The following DLC1 variants were observed in gnomAD, a reference collection of about 807,000 sequenced individuals.
DLC1 encodes DLC1 Rho GTPase activating protein.
DLC1 carries 54 observed loss-of-function variants against 140.3 expected under a neutral mutation model. That is an observed-to-expected ratio of 0.38 (90% CI 0.31 to 0.48). The LOEUF is 0.48. DLC1 is among the 20% of genes least tolerant of loss of function. The probability of loss-of-function intolerance (pLI) is 0.96; values close to 1 mark genes in which losing one functional copy is unlikely to be tolerated. For missense variants in DLC1, 2,536 were observed against 1,907.0 expected (o/e 1.33, Z -6.14); for synonymous variants, 986 against 728.1 (o/e 1.35, Z -5.70).
intron 5 of DLC1, among the ~76,000 whole-genome samples, chr8:13,138,732 A>G (rs959312762): frequency 3.3e-5 from 5 of 152,180 alleles, no homozygotes; most frequent in Non-Finnish European, 7.4e-5. Context: ...CGTGACCCCA[A>G]TCTGGGTTCT....
intron 4 of DLC1, among the ~76,000 whole-genome samples, chr8:13,392,740 A>G (rs966916590): frequency 6.6e-6 from 1 of 151,746 alleles, no homozygotes; most frequent in East Asian, 1.9e-4. Flanking sequence ...CTCTTTCCTT[A>G]AAGGAAAATG....
chr8:13,209,395 C>T (rs1331277432), intron 5 of DLC1, among the ~76,000 whole-genome samples: 2 of 152,062 alleles, frequency 1.3e-5, no homozygotes, highest in Admixed American at 6.6e-5. Flanking sequence ...TGATGAGATA[C>T]GGACATAGGA....
intron 5 of DLC1, among the ~76,000 whole-genome samples, chr8:13,285,245 T>C (rs911408104): frequency 3.9e-5 from 6 of 152,020 alleles, no homozygotes; most frequent in Non-Finnish European, 5.9e-5. Context: ...GGTCAGTTGA[T>C]TTTTTTTATA....
rs184674878 is a variant in DLC1 at position 13,349,726 on chromosome 8, G to A, written c.1314+43827C>T. 2.9e-4 allele frequency among the ~76,000 whole-genome samples: 44 copies of A among 152,330 alleles called. No homozygotes were observed. The East Asian group carries it at 6.0e-3, about 21-fold the overall frequency. ...GTTGGGTGAGGTAAGGAGGGTAAACGAAAGCTGAACAAATTCTAGTATAAG... is the reference window on the plus strand; with the variant it reads ...GTTGGGTGAGGTAAGGAGGGTAAACAAAAGCTGAACAAATTCTAGTATAAG... On this transcript the variant is annotated intron_variant, in intron 4 of 17. Transcript: ENST00000276297.
intron 4 of DLC1, among the ~76,000 whole-genome samples, chr8:13,365,426 A>G (rs1357624213): frequency 6.6e-6 from 1 of 152,086 alleles, no homozygotes; most frequent in Non-Finnish European, 1.5e-5. Context: ...AGATACTATG[A>G]TAGTTCCAGG....
rs116036283 is a variant in DLC1, at chr8:13,482,029, A to G, written c.1023+17020T>C. Among the ~76,000 whole-genome samples the G allele has an allele frequency of 6.9e-3, 1,044 of 152,308 alleles. 12 individuals are homozygous for G. The highest frequency in any genetic ancestry group is 0.024 in the African/African-American group (1,006 of 41,562). ...AGGAACCAATTCTCCTTCAGAGCCA[A>G]TTGAAGGAGCTAACCCTGCCCACAC... is the stretch of plus-strand genomic sequence containing the variant. On this transcript the variant is annotated intron_variant, in intron 2 of 17. Coordinates refer to ENST00000276297, the MANE Select transcript of DLC1 (RefSeq NM_182643.3).
chr8:13,444,898 A>C (rs958903986), intron 2 of DLC1, among the ~76,000 whole-genome samples: 2 of 152,250 alleles, frequency 1.3e-5, no homozygotes. Flanking sequence ...TAAAACGTTC[A>C]TGTATGAAGA....
At chr8:13,405,747 A>T (rs1192789609) in intron 2 of DLC1, among the ~76,000 whole-genome samples, 2 of 151,826 alleles carry the variant, frequency 1.3e-5, no homozygotes, top group Non-Finnish European at 2.9e-5. Flanking sequence ...AATTACTACA[A>T]CATTAATTGC....
intron 5 of DLC1, among the ~76,000 whole-genome samples, chr8:13,145,580 CTACAGCAGCATTATA>C (rs1365078464): frequency 1.3e-5 from 2 of 152,150 alleles, no homozygotes; most frequent in Non-Finnish European, 2.9e-5. Context: ...CTAAAAATAT[CTACAGCAGCATTATA>C]TTAGGAAAAA....
In DLC1 at chr8:13,229,132, C is replaced by T. The variant is rs149294831; in HGVS notation, c.1348+76137G>A. Among the ~76,000 whole-genome samples the T allele has an allele frequency of 4.4e-3, 665 of 152,268 alleles. 6 individuals carry two copies. Among genetic ancestry groups the T allele is most frequent in the African/African-American group, 0.014 (584 of 41,554 alleles). On this transcript the variant is annotated intron_variant, in intron 5 of 17. Coordinates refer to ENST00000276297, the MANE Select transcript of DLC1 (RefSeq NM_182643.3). ...GCTCACACAACAGTCCATACCCAAA[C>T]GTTCATAGCAGCTTTCTTCATAATA...
At chr8:13,360,554 G>T (rs929548373) in intron 4 of DLC1, among the ~76,000 whole-genome samples, 1 of 152,078 alleles carries the variant, frequency 6.6e-6, no homozygotes, top group Admixed American at 6.6e-5. Context: ...ACAGCGCTGG[G>T]CTTGGGCATT....
chr8:13,501,853 C>T (rs1003117469), intron 1 of DLC1, among the ~76,000 whole-genome samples: 4 of 152,070 alleles, frequency 2.6e-5, no homozygotes, highest in Admixed American at 6.6e-5. Flanking sequence ...TGGGAGGCTA[C>T]GGAAAGTGGA....
At chr8:13,167,376 C>T (rs1011598860) in intron 5 of DLC1, among the ~76,000 whole-genome samples, 1 of 152,154 alleles carries the variant, frequency 6.6e-6, no homozygotes, top group African/African-American at 2.4e-5. Context: ...ACTCTGATTA[C>T]ACAGAATTAC....
chr8:13,450,426 G>T (rs1798985708), intron 2 of DLC1, among the ~76,000 whole-genome samples: 1 of 133,470 alleles, frequency 7.5e-6, no homozygotes, highest in African/African-American at 3.0e-5. Context: ...CTGCACTCCA[G>T]CCTGGGCAAC....
chr8:13,126,669 A>T (rs998979077), intron 5 of DLC1, among the ~76,000 whole-genome samples: 3 of 152,202 alleles, frequency 2.0e-5, no homozygotes, highest in Non-Finnish European at 4.4e-5. Context: ...AAGGCAAAAT[A>T]TCTGGTTACA....
intron 5 of DLC1, among the ~76,000 whole-genome samples, chr8:13,277,748 G>A (rs1586059293): frequency 6.6e-6 from 1 of 152,112 alleles, no homozygotes; most frequent in African/African-American, 2.4e-5. Flanking sequence ...TGGCAGGGAA[G>A]CTTAATATTG....
intron 2 of DLC1, among the ~76,000 whole-genome samples, chr8:13,449,540 C>A (rs987630619): frequency 6.6e-6 from 1 of 152,014 alleles, no homozygotes; most frequent in Non-Finnish European, 1.5e-5. Flanking sequence ...AATCCTATTT[C>A]CCCATCATTC....
At chr8:13,115,088 G>C (rs969154132) in intron 6 of DLC1, among the ~76,000 whole-genome samples, 4 of 152,156 alleles carry the variant, frequency 2.6e-5, no homozygotes, top group Non-Finnish European at 2.9e-5. Flanking sequence ...CCACCAACCA[G>C]AGTGTGGATA....
intron 1 of DLC1, among the ~76,000 whole-genome samples, chr8:13,524,267 A>G (rs1369965943): frequency 6.6e-6 from 1 of 151,650 alleles, no homozygotes; most frequent in Non-Finnish European, 1.5e-5. Flanking sequence ...CCTCCTGAGT[A>G]GCTGGGATTA....
Sources: allele counts gnomAD v4.1 joint callset (sites outside exome capture counted in the v4.1 genomes callset), GRCh38; gene constraint gnomAD v4.1.1; transcripts MANE v1.5; gene names NCBI Gene and HGNC (gene_info 2026-07-23, HGNC 2026-07-21).